The following IGDCC4 variants were observed in gnomAD, a reference collection of about 807,000 sequenced individuals.
IGDCC4 encodes the protein immunoglobulin superfamily DCC subclass member 4.
IGDCC4 carries 72 observed loss-of-function variants against 116.6 expected under a neutral mutation model. That is an observed-to-expected ratio of 0.62 (90% CI 0.51 to 0.75). The LOEUF is 0.75. Among genes scored for constraint, IGDCC4 ranks in the 30% least tolerant of loss-of-function variants. The pLI, the probability that IGDCC4 is intolerant of heterozygous loss-of-function variation, is 0.00. For missense variants in IGDCC4, 1,501 were observed against 1,662.4 expected (o/e 0.90, Z 1.69); for synonymous variants, 709 against 719.9 (o/e 0.98, Z 0.24).
At chr15:65,390,585 A>G (rs2140196483) in intron 12 of IGDCC4, among the ~76,000 whole-genome samples, 4 of 152,296 alleles carry the variant, frequency 2.6e-5, no homozygotes, top group Admixed American at 2.6e-4. Flanking sequence ...ATGAATAACC[A>G]TGGAACCAGA....
At chr15:65,400,613 C>T (rs1247288437) in intron 5 of IGDCC4, among the ~76,000 whole-genome samples, 193 bp downstream of exon 5, 1 of 152,198 alleles carries the variant, frequency 6.6e-6, no homozygotes, top group Non-Finnish European at 1.5e-5. Flanking sequence ...CACAGAGTGA[C>T]AAGGAAGTCT....
At position 65,395,255 on chromosome 15, in the gene IGDCC4, A is replaced by G. The variant is rs765024568; in HGVS notation, c.1415T>C (p.Met472Thr). 9 of 1,608,908 alleles carry G rather than the reference A, an allele frequency of 5.6e-6. No individual in the cohort carries two copies. The highest frequency in any genetic ancestry group is 6.8e-6 in the Non-Finnish European group (8 of 1,175,994). Residue 472 changes from methionine (M) to threonine (T), a missense_variant, in exon 8 of 20, where the codon ATG becomes ACG. By Grantham distance (81) the Met-to-Thr change is moderately conservative (BLOSUM62 -1). This residue lies in a region of IGDCC4 where 898 missense variants were observed against 978.9 expected (regional missense o/e 0.92). Coordinates refer to ENST00000352385, the MANE Select transcript of IGDCC4 (RefSeq NM_020962.3). ...FSLHYQKARG[M>T]DNVEYQFAVN... ...TGCAAACTGGTATTCCACATTGTCC[A>G]TGCCTGGTGACACGGGGGACAAGGG...
intron 11 of IGDCC4, 61 bp from the exon 12 acceptor site, chr15:65,392,042 A>C: frequency 6.4e-7 from 1 of 1,552,522 alleles, no homozygotes. Context: ...TCCCGTCCAC[A>C]GAGAGCATCC....
rs140701345 is a variant in IGDCC4 at position 65,392,587 on chromosome 15, A to G, written c.1886-217T>C. ...GGTCTAGAGGTGAACTCACTGTTCT[A>G]CAAGCACAGAGTGCAGGGAATGCAG... On this transcript the variant is annotated intron_variant, in intron 10 of 19. Coordinates refer to ENST00000352385, the MANE Select transcript of IGDCC4 (RefSeq NM_020962.3). 3.9e-5 allele frequency among the ~76,000 whole-genome samples: 6 copies of G among 152,314 alleles called. No individual in the cohort carries two copies. The East Asian group carries it at 1.2e-3, about 29-fold the overall frequency.
rs187437598 is a variant in IGDCC4 at position 65,422,178 on chromosome 15, G to A, written c.70+615C>T. On this transcript the variant is annotated intron_variant, in intron 1 of 19. Transcript: ENST00000352385. ...CTCTACCCCTCTCTAACCGGCCCCA[G>A]GGACCACACCCACTGGGCAAAGTTG... Among the ~76,000 whole-genome samples, 3 of 152,082 alleles carry A rather than the reference G, an allele frequency of 2.0e-5. No individual in the cohort carries two copies. The East Asian group carries it at 5.8e-4, about 29-fold the overall frequency.
Position 65,390,158 on chromosome 15 carries a change from G to A in IGDCC4, c.2405C>T (p.Thr802Ile), listed in dbSNP as rs768248896. The change falls in exon 13 of 20, where the codon ACC becomes ATC. Residue 802 changes from threonine (T) to isoleucine (I), a missense_variant. Physicochemically the swap from Thr to Ile is moderately conservative, Grantham distance 89. Coordinates refer to ENST00000352385, the MANE Select transcript of IGDCC4 (RefSeq NM_020962.3). ...LRNASLVTYY[T>I]SSGEDILIGG... ...TAGTAAAGGCATTAGTCCCCACCTG[G>A]TGTAATAGGTGACCAGGGAGGCATT... The A allele has an allele frequency of 1.9e-6, 3 of 1,585,264 alleles. No individual in the cohort carries two copies. The South Asian group carries it at 3.4e-5, about 18-fold the overall frequency.
Position 65,395,863 on chromosome 15 carries a change from G to A in IGDCC4, c.1298C>T (p.Thr433Met), listed in dbSNP as rs1177190960. The A allele has an allele frequency of 6.3e-7, 1 of 1,580,320 alleles. No individual in the cohort carries two copies. Among genetic ancestry groups the A allele is most frequent in the Admixed American group, 1.7e-5 (1 of 58,170 alleles). Reference protein sequence around the residue: ...VVREGLPSAPTRVTATPLSSS... With the variant: ...VVREGLPSAPMRVTATPLSSS... ...GCTCAGTGGCGTAGCAGTGACCCGC[G>A]TGGGGGCGCTGGGCAGCCCCTCGCG... The change falls in exon 7 of 20, where the codon ACG (threonine) becomes ATG (methionine). Residue 433 changes from threonine (T) to methionine (M), a missense_variant. Around this residue, in one of 3 missense-constraint regions of IGDCC4, gnomAD observed 898 missense variants for 978.9 expected, o/e 0.92. Transcript: ENST00000352385.
At chr15:65,389,441 C>G in intron 13 of IGDCC4, 30 bp from the exon 14 acceptor site, 8 of 1,614,048 alleles carry the variant, frequency 5.0e-6, no homozygotes, top group Non-Finnish European at 6.8e-6. Flanking sequence ...GACTAGTGCT[C>G]TCAGGCACAC....
intron 16 of IGDCC4, 141 bp downstream of exon 16, chr15:65,388,308 C>A: frequency 1.8e-6 from 2 of 1,132,232 alleles, no homozygotes; most frequent in South Asian, 2.9e-5. Context: ...ATCACTGAAC[C>A]ACACCTATTT....
At chr15:65,389,511 C>G in intron 13 of IGDCC4, 100 bp from the exon 14 acceptor site, 1 of 1,531,794 alleles carries the variant, frequency 6.5e-7, no homozygotes, top group Non-Finnish European at 9.0e-7. Flanking sequence ...CAGCCCCAGG[C>G]TCTACCCTGG....
Position 65,400,905 on chromosome 15 carries a change from C to A in IGDCC4, c.742G>T (p.Ala248Ser), listed in dbSNP as rs948968964. ...ACCACTGTGGTGTTCTCTGGGGCTG[C>A]CACAATGACCACGTCCTGCCCCCTG... ...STRGQDVVIV[A>S]APENTTVVSG... Residue 248 changes from alanine (A) to serine (S), a missense_variant, in exon 5 of 20, where the codon GCA becomes TCA. By Grantham distance (99) the Ala-to-Ser change is moderately conservative. Around this residue, in one of 3 missense-constraint regions of IGDCC4, gnomAD observed 898 missense variants for 978.9 expected, o/e 0.92. Transcript: ENST00000352385. 5 of 1,614,184 alleles carry A rather than the reference C, an allele frequency of 3.1e-6. No individual in the cohort carries two copies. Among genetic ancestry groups the A allele is most frequent in the Non-Finnish European group, 4.2e-6 (5 of 1,180,032 alleles).
At chr15:65,392,046 A>C in intron 11 of IGDCC4, 65 bp from the exon 12 acceptor site, 7 of 1,548,360 alleles carry the variant, frequency 4.5e-6, no homozygotes, top group Non-Finnish European at 6.1e-6. Flanking sequence ...GTCCACAGAG[A>C]GCATCCCATC....
Position 65,386,066 on chromosome 15 carries a change from G to A in IGDCC4, c.2952-7C>T, listed in dbSNP as rs1286057000. The A allele has an allele frequency of 2.0e-6, 3 of 1,482,732 alleles. No homozygotes were observed. Among genetic ancestry groups the A allele is most frequent in the Admixed American group, 2.7e-5 (1 of 37,670 alleles). The allele number at this position is 1,482,732 out of a possible 1,614,324, so 91.8% of individuals were successfully genotyped here. ...CAGGCCTGGGAGGGATTCCCTGGAAGGGAAGACGGAAAACAAGGCATAGCG... is the reference window on the plus strand; with the variant it reads ...CAGGCCTGGGAGGGATTCCCTGGAAAGGAAGACGGAAAACAAGGCATAGCG... On this transcript the variant is annotated splice_polypyrimidine_tract_variant and splice_region_variant and intron_variant, in intron 17 of 19. Transcript: ENST00000352385.
At chr15:65,417,943 G>A (rs1567095896) in intron 1 of IGDCC4, among the ~76,000 whole-genome samples, 1 of 152,196 alleles carries the variant, frequency 6.6e-6, no homozygotes, top group Non-Finnish European at 1.5e-5. Flanking sequence ...AGGCACCAAA[G>A]TCTTGGGGTT....
Position 65,410,069 on chromosome 15 carries a change from C to G in IGDCC4, c.563+109G>C, listed in dbSNP as rs1595791712. On this transcript the variant is annotated intron_variant, in intron 3 of 19. Coordinates refer to ENST00000352385, the MANE Select transcript of IGDCC4 (RefSeq NM_020962.3). ...GTCAGGCGGTGGTTAACACTCAAGT[C>G]AGCTTAGGTAAATGCAGCTACCTCG... The G allele has an allele frequency of 3.1e-6, 4 of 1,311,470 alleles. No homozygotes were observed. In the East Asian group the frequency reaches 9.4e-5, roughly 31 times the overall value. The allele number at this position is 1,311,470 out of a possible 1,614,324, so 81.2% of individuals were successfully genotyped here. A position where few individuals can be genotyped will look rare whatever the true frequency, so the allele number is the denominator to read the frequency against.
chr15:65,387,455 TCTC>T (rs1243248732), intron 16 of IGDCC4, among the ~76,000 whole-genome samples: 1 of 151,988 alleles, frequency 6.6e-6, no homozygotes, highest in Non-Finnish European at 1.5e-5. Flanking sequence ...TTCACGCCAT[TCTC>T]CTGCCTCAGC....
chr15:65,398,760 G>A (rs922303365), intron 5 of IGDCC4, among the ~76,000 whole-genome samples: 8 of 151,916 alleles, frequency 5.3e-5, no homozygotes, highest in African/African-American at 9.7e-5. Flanking sequence ...GCGTGGTGGC[G>A]GGTGCCTGTA....
Position 65,383,305 on chromosome 15 carries a change from C to T in IGDCC4, c.*704G>A. 6.5e-6 allele frequency: 1 copy of T among 153,302 alleles called. No homozygotes were observed. 9.5% of individuals were successfully genotyped at this position (153,302 alleles called of 1,614,324 possible). On this transcript the variant is annotated 3_prime_UTR_variant, in exon 20 of 20. Coordinates refer to ENST00000352385, the MANE Select transcript of IGDCC4 (RefSeq NM_020962.3). Reference sequence around the variant, plus strand: ...AGAGTATCTGGGAGCAGGAGAAGGGCACTGGTGCTGGGAGAGCGAGGTGAC... The same window carrying T: ...AGAGTATCTGGGAGCAGGAGAAGGGTACTGGTGCTGGGAGAGCGAGGTGAC...
rs570708107 is a variant in IGDCC4, at chr15:65,410,430, A to C, written c.422-111T>G. The C allele has an allele frequency of 1.2e-5, 16 of 1,309,262 alleles. No individual in the cohort carries two copies. In the South Asian group the frequency reaches 2.1e-4, roughly 17 times the overall value. 81.1% of individuals were successfully genotyped at this position (1,309,262 alleles called of 1,614,324 possible). Reference sequence around the variant, plus strand: ...TGGAGACACAGAAACACACAGTCACAGAAACACACAGCAGAGCCAATTCAG... The same window carrying C: ...TGGAGACACAGAAACACACAGTCACCGAAACACACAGCAGAGCCAATTCAG... On this transcript the variant is annotated intron_variant, in intron 2 of 19. Coordinates refer to ENST00000352385, the MANE Select transcript of IGDCC4 (RefSeq NM_020962.3).
Sources: gnomAD v4.1 joint callset for allele counts (sites outside exome capture counted in the v4.1 genomes callset) on GRCh38, gnomAD v4.1.1 for gene constraint, gnomAD v4.1.1 regional missense constraint, MANE v1.5 for transcripts, NCBI Gene and HGNC (gene_info 2026-07-23, HGNC 2026-07-21) for gene names.